SLC25A51: variants seen among roughly 807,000 people sequenced by gnomAD.
The protein encoded by SLC25A51 is mitochondrial nicotinamide adenine dinucleotide transporter SLC25A51.
A neutral mutation model predicts 19.1 loss-of-function variants in SLC25A51; 11 were observed. That is an observed-to-expected ratio of 0.58 (90% CI 0.36 to 0.96). The LOEUF (loss-of-function observed/expected upper bound fraction) is 0.96, where lower values mean the gene tolerates loss of function less well. Ranked by LOEUF, SLC25A51 falls within the 40% of genes least tolerant of loss-of-function variation. The pLI, the probability that SLC25A51 is intolerant of heterozygous loss-of-function variation, is 0.01. For synonymous variants in SLC25A51, 105 were observed against 133.6 expected (o/e 0.79, Z 1.47); for missense variants, 201 against 365.4 (o/e 0.55, Z 3.67).
intron 2 of SLC25A51, among the ~76,000 whole-genome samples, chr9:37,894,316 CCTTTTTTTTTAA>C (rs1587165972): frequency 6.6e-6 from 1 of 151,554 alleles, no homozygotes; most frequent in South Asian, 2.1e-4. Flanking sequence ...CCCCCACTCA[CCTTTTTTTTTAA>C]CTTTTTTTTT....
chr9:37,883,980 G>A (rs1236576494), downstream of SLC25A51, among the ~76,000 whole-genome samples: 1 of 152,142 alleles, frequency 6.6e-6, no homozygotes, highest in Non-Finnish European at 1.5e-5. Context: ...TGCATTTAGA[G>A]GTCAACAGCT....
chr9:37,882,062 T>G (rs1393067260), intron 2 of SLC25A51, among the ~76,000 whole-genome samples: 1 of 152,230 alleles, frequency 6.6e-6, no homozygotes, highest in East Asian at 1.9e-4. Flanking sequence ...AGGAAACATT[T>G]AGAGACTCCC....
downstream of SLC25A51, chr9:37,878,715 C>T (rs1284128981): frequency 6.5e-6 from 1 of 154,606 alleles, no homozygotes; most frequent in African/African-American, 2.4e-5. Flanking sequence ...GAAATTCTCA[C>T]TGATGTTATT....
chr9:37,879,774 T>A (rs1831315818), exon 4 of SLC25A51: 1 of 152,200 alleles, frequency 6.6e-6, no homozygotes, highest in Admixed American at 6.6e-5. Context: ...CAGCAGTCTA[T>A]AAATGAAGTA....
In SLC25A51 at chr9:37,887,765, G is replaced by A. The variant is rs750466659; in HGVS notation, c.786C>T (p.Asp262=). 2 of 1,613,854 alleles carry A rather than the reference G, an allele frequency of 1.2e-6. No homozygotes were observed. The highest frequency in any genetic ancestry group is 1.7e-6 in the Non-Finnish European group (2 of 1,179,848). ...KVFQKIWLER[D]RKLINLFRGA... ...CTCTGAAAAGATTTATCAGTTTTCTGTCCCGTTCCAGCCAGATTTTTTGGA... is the reference window on the plus strand; with the variant it reads ...CTCTGAAAAGATTTATCAGTTTTCTATCCCGTTCCAGCCAGATTTTTTGGA... Residue 262 remains aspartate, a synonymous_variant, in exon 3 of 3, where the codon GAC becomes GAT. Coordinates refer to ENST00000242275, the MANE Select transcript of SLC25A51 (RefSeq NM_033412.4).
At chr9:37,879,480 C>G in exon 4 of SLC25A51, 1 of 167,752 alleles carries the variant, frequency 6.0e-6, no homozygotes, top group Middle Eastern at 8.0e-4. Flanking sequence ...AGAAAGGTGA[C>G]AAGAAAATCA....
downstream of SLC25A51, among the ~76,000 whole-genome samples, chr9:37,882,754 A>G (rs545224180): frequency 1.0e-3 from 154 of 152,356 alleles, no homozygotes; most frequent in African/African-American, 3.3e-3. Context: ...ACACAAGACC[A>G]TAAGTGTCCT....
chr9:37,902,522 T>C (rs150255690), intron 1 of SLC25A51, among the ~76,000 whole-genome samples: 39 of 152,306 alleles, frequency 2.6e-4, no homozygotes, highest in African/African-American at 7.5e-4. Context: ...AATTTAGCAA[T>C]AGAAGGATAA....
downstream of SLC25A51, among the ~76,000 whole-genome samples, chr9:37,883,794 A>G (rs1280650498): frequency 6.6e-6 from 1 of 152,214 alleles, no homozygotes; most frequent in African/African-American, 2.4e-5. Context: ...TTGGTGCCAA[A>G]TTATTATTTT....
At chr9:37,885,855 A>G (rs115457204), downstream of SLC25A51, 198 of 1,600,734 alleles carry the variant, frequency 1.2e-4, no homozygotes, top group African/African-American at 2.3e-3. Context: ...CACACTCTGC[A>G]TAGTGTTCCT....
downstream of SLC25A51, chr9:37,885,751 T>C: frequency 6.7e-7 from 1 of 1,483,818 alleles, no homozygotes; most frequent in Non-Finnish European, 9.4e-7. Context: ...TCCATCACTG[T>C]GGAGCAACAT....
At chr9:37,886,131 C>T (rs915642634), downstream of SLC25A51, 4 of 1,422,744 alleles carry the variant, frequency 2.8e-6, no homozygotes, top group African/African-American at 5.6e-5. Context: ...GTGAGCACAT[C>T]ACCCCTCACC....
intron 2 of SLC25A51, among the ~76,000 whole-genome samples, chr9:37,892,955 G>C (rs569578329): frequency 6.6e-6 from 1 of 152,238 alleles, no homozygotes; most frequent in Admixed American, 6.5e-5. Context: ...GGTCAGGCTG[G>C]TCTTGAACTC....
intron 2 of SLC25A51, among the ~76,000 whole-genome samples, chr9:37,899,017 A>G (rs2118370465): frequency 6.6e-6 from 1 of 152,264 alleles, no homozygotes; most frequent in African/African-American, 2.4e-5. Flanking sequence ...GCTCCACCAC[A>G]CATGTACTGT....
chr9:37,898,697 G>A (rs887218652), intron 2 of SLC25A51, among the ~76,000 whole-genome samples: 14 of 152,192 alleles, frequency 9.2e-5, no homozygotes, highest in Middle Eastern at 3.4e-3. Context: ...CAGCCTGGGC[G>A]ACACAGCAAG....
At chr9:37,903,531 C>A (rs550793197) in intron 1 of SLC25A51, 2 of 152,296 alleles carry the variant, frequency 1.3e-5, no homozygotes, top group Non-Finnish European at 2.9e-5. Flanking sequence ...CTGAACTTAC[C>A]GTTCTCCAGG....
At chr9:37,885,223 G>A (rs1306823182), downstream of SLC25A51, among the ~76,000 whole-genome samples, 1 of 151,808 alleles carries the variant, frequency 6.6e-6, no homozygotes, top group Admixed American at 6.6e-5. Context: ...TTTCAATGCA[G>A]GCGATTTCAA....
At chr9:37,877,852 AC>A (rs1831282451), downstream of SLC25A51, among the ~76,000 whole-genome samples, 1 of 152,140 alleles carries the variant, frequency 6.6e-6, no homozygotes, top group South Asian at 2.1e-4. Context: ...TACAAAAAAT[AC>A]AAAATTTAGC....
At chr9:37,897,118 T>A (rs1831733229) in intron 2 of SLC25A51, among the ~76,000 whole-genome samples, 1 of 152,254 alleles carries the variant, frequency 6.6e-6, no homozygotes, top group Non-Finnish European at 1.5e-5. Flanking sequence ...TATTTACTTA[T>A]AACTTTTTGC....
Sources: gnomAD v4.1 joint callset for allele counts (sites outside exome capture counted in the v4.1 genomes callset) on GRCh38, gnomAD v4.1.1 for gene constraint, MANE v1.5 for transcripts, NCBI Gene and HGNC (gene_info 2026-07-23, HGNC 2026-07-21) for gene names.